RAP1A: variants seen among roughly 807,000 people sequenced by gnomAD.
RAP1A encodes RAP1A, member of RAS oncogene family.
Under a neutral mutation model 26.4 loss-of-function variants are expected in RAP1A, and 6 were observed. The observed-to-expected ratio is 0.23, with a 90% CI of 0.12 to 0.45. The LOEUF is 0.45. RAP1A is among the 20% of genes least tolerant of loss of function. The pLI is 0.99. For synonymous variants in RAP1A, 73 were observed against 79.4 expected (o/e 0.92, Z 0.43); for missense variants, 121 against 217.2 (o/e 0.56, Z 2.78).
chr1:111,581,636 A>G (rs1167415471), intron 1 of RAP1A, among the ~76,000 whole-genome samples: 3 of 152,248 alleles, frequency 2.0e-5, no homozygotes, highest in Non-Finnish European at 4.4e-5. Flanking sequence ...TTAAAATTCC[A>G]TAAATAGATT....
At chr1:111,607,840 G>T (rs1412120623) in intron 1 of RAP1A, among the ~76,000 whole-genome samples, 1 of 118,284 alleles carries the variant, frequency 8.5e-6, no homozygotes, top group Non-Finnish European at 1.8e-5. Flanking sequence ...CCTCCCTCCC[G>T]GACGGGGCGG....
Position 111,666,354 on chromosome 1 carries a change from A to G in RAP1A, c.-27-24980A>G, listed in dbSNP as rs183069113. Among the ~76,000 whole-genome samples the G allele has an allele frequency of 2.0e-3, 310 of 152,314 alleles. 1 individual carries two copies. Among genetic ancestry groups the G allele is most frequent in the African/African-American group, 7.3e-3 (303 of 41,572 alleles). ...ATTTAGGGATTATTTGTACAGTTCT[A>G]TGTGGTAACACTCAGCCATGCAACA... On this transcript the variant is annotated intron_variant, in intron 1 of 7. Coordinates refer to ENST00000369709, the MANE Select transcript of RAP1A (RefSeq NM_002884.4).
intron 1 of RAP1A, among the ~76,000 whole-genome samples, chr1:111,596,569 A>G (rs4839153): frequency 0.13 from 20,381 of 152,280 alleles, 1,715 homozygotes; most frequent in South Asian, 0.18. Context: ...AGATGATCTT[A>G]GTCCATTTGA....
intron 1 of RAP1A, among the ~76,000 whole-genome samples, chr1:111,555,479 T>C (rs1657453060): frequency 6.6e-6 from 1 of 151,146 alleles, no homozygotes; most frequent in African/African-American, 2.4e-5. Flanking sequence ...GTGGACAGGT[T>C]AAATAGTAGA....
chr1:111,542,142 T>C, upstream of RAP1A: 1 of 324,302 alleles, frequency 3.1e-6, no homozygotes, highest in South Asian at 2.7e-5. Context: ...CAAAGAACTA[T>C]CATGTTTTTA....
chr1:111,637,238 A>G (rs1659753833), intron 1 of RAP1A, among the ~76,000 whole-genome samples: 1 of 152,178 alleles, frequency 6.6e-6, no homozygotes, highest in Non-Finnish European at 1.5e-5. Context: ...TTCCATGGTT[A>G]TGTTTTGTTT....
chr1:111,585,412 G>T (rs866497206), intron 1 of RAP1A, among the ~76,000 whole-genome samples: 1 of 151,996 alleles, frequency 6.6e-6, no homozygotes. Flanking sequence ...AATAGATCTG[G>T]ATGATGGATA....
At chr1:111,600,300 G>C (rs1658646112) in intron 1 of RAP1A, among the ~76,000 whole-genome samples, 1 of 152,156 alleles carries the variant, frequency 6.6e-6, no homozygotes, top group South Asian at 2.1e-4. Context: ...TGGCCAGTCA[G>C]GACTGGTAAT....
In RAP1A at chr1:111,629,704, G is replaced by A. The variant is rs116540084; in HGVS notation, c.-28+9770G>A. Among the ~76,000 whole-genome samples, 1,030 of 152,206 alleles carry A rather than the reference G, an allele frequency of 6.8e-3. 13 individuals are homozygous for A. Among genetic ancestry groups the A allele is most frequent in the African/African-American group, 0.024 (988 of 41,534 alleles). On this transcript the variant is annotated intron_variant, in intron 1 of 7. Coordinates refer to ENST00000369709, the MANE Select transcript of RAP1A (RefSeq NM_002884.4). ...TAAGCAAATGTAACTCACAGTGCTCGTAGTGTTGGGGATTGTGTGCGTGTG... is the reference window on the plus strand; with the variant it reads ...TAAGCAAATGTAACTCACAGTGCTCATAGTGTTGGGGATTGTGTGCGTGTG...
chr1:111,691,224 T>C lies in RAP1A; in HGVS notation c.-27-110T>C, dbSNP rs956687313. ...CATGTAGCTTCTGTTGTCCCTTTGA[T>C]AGTCTTACAAGGAAAAAAACAAAAC... On this transcript the variant is annotated intron_variant, in intron 1 of 7. Coordinates refer to ENST00000369709, the MANE Select transcript of RAP1A (RefSeq NM_002884.4). 1.0e-5 allele frequency: 6 copies of C among 577,202 alleles called. No individual in the cohort carries two copies. The South Asian group carries it at 2.3e-4, about 22-fold the overall frequency. 35.8% of individuals were successfully genotyped at this position (577,202 alleles called of 1,614,324 possible).
chr1:111,547,685 A>T (rs555044606), intron 1 of RAP1A, among the ~76,000 whole-genome samples: 2 of 152,318 alleles, frequency 1.3e-5, no homozygotes, highest in South Asian at 4.1e-4. Flanking sequence ...AAGATATAGG[A>T]AGAAGTCAGA....
intron 1 of RAP1A, among the ~76,000 whole-genome samples, chr1:111,613,036 G>C (rs1249607094): frequency 6.6e-6 from 1 of 152,138 alleles, no homozygotes; most frequent in African/African-American, 2.4e-5. Flanking sequence ...AGTGGCAAAA[G>C]CTGCATTTAA....
chr1:111,557,879 T>C (rs1657567299), intron 1 of RAP1A, among the ~76,000 whole-genome samples: 1 of 152,154 alleles, frequency 6.6e-6, no homozygotes, highest in African/African-American at 2.4e-5. Context: ...CACTCTAAGC[T>C]TCCTTAAATT....
At chr1:111,547,486 A>AAAAT (rs1165527430) in intron 1 of RAP1A, among the ~76,000 whole-genome samples, 2 of 152,188 alleles carry the variant, frequency 1.3e-5, no homozygotes, top group Non-Finnish European at 2.9e-5. Context: ...ATGGAGTTAA[A>AAAAT]AAATATAAAA....
intron 1 of RAP1A, among the ~76,000 whole-genome samples, chr1:111,610,356 TC>T (rs1658902548): frequency 6.6e-6 from 1 of 152,152 alleles, no homozygotes; most frequent in Admixed American, 6.5e-5. Context: ...TGGAATTTGC[TC>T]CCTCAGCTCA....
chr1:111,625,373 G>A (rs528031445), intron 1 of RAP1A, among the ~76,000 whole-genome samples: 1 of 151,886 alleles, frequency 6.6e-6, no homozygotes, highest in East Asian at 1.9e-4. Context: ...ACTATAAAAA[G>A]AGGCACAAAG....
At chr1:111,706,728 ATAT>A (rs1242555340) in intron 6 of RAP1A, 1 of 985,388 alleles carries the variant, frequency 1.0e-6, no homozygotes, top group Non-Finnish European at 1.2e-6. Context: ...TTCTAACCAA[ATAT>A]TATAGTTCGA....
intron 1 of RAP1A, among the ~76,000 whole-genome samples, chr1:111,672,012 C>G (rs1398565234): frequency 6.6e-6 from 1 of 152,116 alleles, no homozygotes; most frequent in Non-Finnish European, 1.5e-5. Flanking sequence ...ATTTATGGCT[C>G]AGCATGGTCT....
chr1:111,689,784 C>G (rs1258885202), intron 1 of RAP1A, among the ~76,000 whole-genome samples: 2 of 152,168 alleles, frequency 1.3e-5, no homozygotes, highest in Admixed American at 6.5e-5. Flanking sequence ...GTTCTCCTGC[C>G]TCAGCCTCCC....
Sources: gnomAD v4.1 joint callset for allele counts (sites outside exome capture counted in the v4.1 genomes callset) on GRCh38, gnomAD v4.1.1 for gene constraint, MANE v1.5 for transcripts, NCBI Gene and HGNC (gene_info 2026-07-23, HGNC 2026-07-21) for gene names.